Variants in F8 observed in about 807,000 individuals in gnomAD.
F8 encodes the protein antihemophilic factor.
Under a neutral mutation model 140.6 loss-of-function variants are expected in F8, and 12 were observed. The ratio of observed to expected loss-of-function variants is 0.09; its 90% CI spans 0.05 to 0.14. The LOEUF (loss-of-function observed/expected upper bound fraction) is 0.14, where lower values mean the gene tolerates loss of function less well. F8 is among the 10% of genes least tolerant of loss of function. The pLI is 1.00. For synonymous variants in F8, 585 were observed against 614.6 expected (o/e 0.95, Z 0.71); for missense variants, 1,354 against 1,720.7 (o/e 0.79, Z 3.77).
rs1356299017 is a variant in F8 at position 154,930,817 on chromosome X, T to G, written c.2973A>C (p.Leu991Phe). ...GTCCATGAGCTCTTTTCCCTTTAAATAACCTACCACTCTCTGTTGACGATA... is the reference window on the plus strand; with the variant it reads ...GTCCATGAGCTCTTTTCCCTTTAAAGAACCTACCACTCTCTGTTGACGATA... ...KNVSSTESGRLFKGKRAHGPA... is the reference protein window; with the variant it reads ...KNVSSTESGRFFKGKRAHGPA... The change falls in exon 14 of 26, where the codon TTA becomes TTC. Residue 991 changes from leucine (L) to phenylalanine (F), a missense_variant. Physicochemically the swap from Leu to Phe is conservative, Grantham distance 22. Transcript: ENST00000360256. 53 of 1,208,956 alleles carry G rather than the reference T, an allele frequency of 4.4e-5. No homozygotes were observed. The highest frequency in any genetic ancestry group is 5.9e-5 in the Non-Finnish European group (53 of 894,213).
intron 25 of F8, among the ~76,000 whole-genome samples, chrX:154,844,288 C>T (rs1217927458): frequency 1.8e-5 from 2 of 111,618 alleles, no homozygotes; most frequent in Non-Finnish European, 3.8e-5. Flanking sequence ...TTTTTTGGTT[C>T]CAAATGAACT....
chrX:154,896,173 C>T lies in F8; in HGVS notation c.6333G>A (p.Lys2111=). ...ACTGAGAGATGTAGAGGCTGGAGAACTTCTGACGGGCACCCTGGGTCTTGA... is the reference window on the plus strand; with the variant it reads ...ACTGAGAGATGTAGAGGCTGGAGAATTTCTGACGGGCACCCTGGGTCTTGA... ...HGIKTQGARQ[K]FSSLYISQFI... is the part of the protein sequence containing the mutation. The change falls in exon 22 of 26, where the codon AAG becomes AAA. Residue 2111 remains lysine, a synonymous_variant. Transcript: ENST00000360256. 2 of 1,211,049 alleles carry T rather than the reference C, an allele frequency of 1.7e-6. No homozygotes were observed. The highest frequency in any genetic ancestry group is 2.2e-6 in the Non-Finnish European group (2 of 894,873).
In F8 at chrX:154,888,406, TCCC is replaced by T. The variant is rs1225920206; in HGVS notation, c.6429+7668_6429+7670del. On this transcript the variant is annotated intron_variant, in intron 22 of 25. Coordinates refer to ENST00000360256, the MANE Select transcript of F8 (RefSeq NM_000132.4). The stretch of plus-strand genomic sequence containing the variant: ...TTTTTTTTTTTTTTTTTTTTTTTTT[TCCC>T]CCCGAGATGGAGTCTCACTCTGTCG... 5.4e-4 allele frequency among the ~76,000 whole-genome samples: 40 copies of T among 73,703 alleles called. 6 individuals are homozygous for T. Among genetic ancestry groups the T allele is most frequent in the African/African-American group, 2.0e-3 (30 of 15,137 alleles). 64.0% of individuals were successfully genotyped at this position (73,703 alleles called of 115,157 possible). A position where few individuals can be genotyped will look rare whatever the true frequency, so the allele number is the denominator to read the frequency against.
chrX:154,917,662 G>A (rs782746131), intron 14 of F8, among the ~76,000 whole-genome samples: 6 of 110,900 alleles, frequency 5.4e-5, no homozygotes, highest in Non-Finnish European at 1.1e-4. Context: ...TTTTCAAATA[G>A]CCTGTCTTTG....
At chrX:154,895,082 G>C (rs2072972127) in intron 22 of F8, among the ~76,000 whole-genome samples, 1 of 112,026 alleles carries the variant, frequency 8.9e-6, no homozygotes, top group South Asian at 3.7e-4. Flanking sequence ...GCCACTCTGA[G>C]GGAAACAGTG....
At chrX:154,878,229 C>A (rs2072831449) in intron 22 of F8, among the ~76,000 whole-genome samples, 1 of 109,890 alleles carries the variant, frequency 9.1e-6, no homozygotes, top group Non-Finnish European at 1.9e-5. Context: ...ATTAGCAAAC[C>A]AAATCCAGCA....
chrX:154,863,015 T>C, intron 23 of F8, 68 bp downstream of exon 23: 3 of 1,132,838 alleles, frequency 2.6e-6, no homozygotes, highest in Non-Finnish European at 3.6e-6. Context: ...AGTCTCAGGA[T>C]AACTAGAACA....
intron 22 of F8, among the ~76,000 whole-genome samples, chrX:154,867,690 C>CAAAAAAAAAAAAAAAAAAAAAAAAAA (rs373471645): frequency 4.8e-5 from 2 of 41,820 alleles, no homozygotes; most frequent in African/African-American, 8.4e-5. Context: ...GACTCTGTCT[C>CAAAAAAAAAAAAAAAAAAAAAAAAAA]AAAAAAAAAA....
At chrX:154,967,359 T>C (rs2073431267) in intron 7 of F8, among the ~76,000 whole-genome samples, 1 of 112,270 alleles carries the variant, frequency 8.9e-6, no homozygotes, top group Non-Finnish European at 1.9e-5. Flanking sequence ...CTATGGCAAA[T>C]GTATTCAACA....
chrX:154,989,666 C>T (rs913201458), intron 4 of F8, among the ~76,000 whole-genome samples: 8 of 111,895 alleles, frequency 7.1e-5, no homozygotes, highest in Non-Finnish European at 5.6e-5. Flanking sequence ...ATAAAAGACA[C>T]CATTAAAAGA....
Position 154,929,687 on chromosome X carries a change from G to A in F8, c.4103C>T (p.Pro1368Leu), listed in dbSNP as rs1227010486. 1.7e-6 allele frequency: 2 copies of A among 1,206,667 alleles called. No homozygotes were observed. Among genetic ancestry groups the A allele is most frequent in the Non-Finnish European group, 2.2e-6 (2 of 893,637 alleles). The change falls in exon 14 of 26, where the codon CCG becomes CTG. Residue 1368 changes from proline (P) to leucine (L), a missense_variant. This residue lies in a region of F8 where 658 missense variants were observed against 666.5 expected (regional missense o/e 0.99). Transcript: ENST00000360256. ...GTAGTCTATCTGTGTGAGGGTGCTC[G>A]GGGTCAAATGTTTCATGTTTTTGGA... ...QWSKNMKHLTPSTLTQIDYNE... is the reference protein window; with the variant it reads ...QWSKNMKHLTLSTLTQIDYNE...
At chrX:154,926,718 C>T (rs1557278108) in intron 14 of F8, among the ~76,000 whole-genome samples, 1 of 111,448 alleles carries the variant, frequency 9.0e-6, no homozygotes, top group Non-Finnish European at 1.9e-5. Flanking sequence ...GAGCAATCAG[C>T]AGGTTTTGGG....
chrX:155,013,102 C>A (rs1190531504), intron 1 of F8, among the ~76,000 whole-genome samples: 1 of 96,629 alleles, frequency 1.0e-5, no homozygotes, highest in Non-Finnish European at 2.0e-5. Flanking sequence ...GCCGAGATCG[C>A]ACCACTGCAC....
chrX:154,975,509 T>C (rs781862799), intron 6 of F8, among the ~76,000 whole-genome samples: 2 of 112,479 alleles, frequency 1.8e-5, no homozygotes, highest in Non-Finnish European at 3.8e-5. Flanking sequence ...ATGTTCCATG[T>C]GCAGTTGAGA....
chrX:154,955,247 C>T (rs782396761), intron 11 of F8, among the ~76,000 whole-genome samples: 37 of 85,584 alleles, frequency 4.3e-4, no homozygotes, highest in African/African-American at 1.6e-3. Flanking sequence ...ACCTCCTGGG[C>T]TCAAGCTATC....
chrX:154,902,882 G>A (rs1380751923), intron 18 of F8, among the ~76,000 whole-genome samples: 1 of 112,059 alleles, frequency 8.9e-6, no homozygotes, highest in Non-Finnish European at 1.9e-5. Context: ...GGGTTGTGGG[G>A]AAGCACGATC....
intron 11 of F8, among the ~76,000 whole-genome samples, chrX:154,955,105 A>G (rs1569559797): frequency 9.4e-6 from 1 of 106,388 alleles, no homozygotes; most frequent in Non-Finnish European, 1.9e-5. Context: ...TCCAAATTCT[A>G]GCCATATTTT....
intron 6 of F8, among the ~76,000 whole-genome samples, chrX:154,975,447 A>T (rs2073480133): frequency 2.7e-5 from 3 of 112,357 alleles, no homozygotes; most frequent in Non-Finnish European, 5.6e-5. Context: ...ACTTCATTTT[A>T]AAAAAGTTAG....
chrX:154,926,326 GT>G (rs2073160091), intron 14 of F8, among the ~76,000 whole-genome samples: 1 of 112,116 alleles, frequency 8.9e-6, no homozygotes, highest in South Asian at 3.7e-4. Flanking sequence ...GAAAAAAAGA[GT>G]TGGAAAACTT....
Sources: allele counts gnomAD v4.1 joint callset (sites outside exome capture counted in the v4.1 genomes callset), GRCh38; gene constraint gnomAD v4.1.1; regional missense constraint gnomAD v4.1.1; transcripts MANE v1.5; gene names NCBI Gene and HGNC (gene_info 2026-07-23, HGNC 2026-07-21).